Variants in LINGO2 observed in about 807,000 individuals in gnomAD.
The protein encoded by LINGO2 is leucine rich repeat and Ig domain containing 2.
Under a neutral mutation model 30.6 loss-of-function variants are expected in LINGO2, and 14 were observed. The ratio of observed to expected loss-of-function variants is 0.46; its 90% CI spans 0.30 to 0.72. The LOEUF (loss-of-function observed/expected upper bound fraction) is 0.72. LINGO2 is among the 30% of genes least tolerant of loss of function. The pLI, the probability that LINGO2 is intolerant of heterozygous loss-of-function variation, is 0.07. For missense variants in LINGO2, 729 were observed against 751.7 expected (o/e 0.97, Z 0.35); for synonymous variants, 317 against 288.5 (o/e 1.10, Z -1.00).
the LINGO2 span, among the ~76,000 whole-genome samples, chr9:29,133,958 C>A: frequency 1.3e-5 from 2 of 152,080 alleles, no homozygotes; most frequent in Non-Finnish European, 2.9e-5. Context: ...AAGACACAGA[C>A]ATCTAAAGGG....
At chr9:28,626,704 G>C (rs768374554) in intron 1 of LINGO2, among the ~76,000 whole-genome samples, 1 of 151,742 alleles carries the variant, frequency 6.6e-6, no homozygotes, top group Non-Finnish European at 1.5e-5. Context: ...TTCTCTCTCT[G>C]TTCTCCAATT....
chr9:28,138,307 A>G (rs559258627), intron 4 of LINGO2, among the ~76,000 whole-genome samples: 2 of 152,194 alleles, frequency 1.3e-5, no homozygotes, highest in Non-Finnish European at 2.9e-5. Context: ...CTTTACTTCA[A>G]CCTATCTCTA....
chr9:29,016,630 A>T, the LINGO2 span, among the ~76,000 whole-genome samples: 2 of 152,164 alleles, frequency 1.3e-5, no homozygotes, highest in Non-Finnish European at 1.5e-5. Context: ...CAAACATCCA[A>T]ATTCTTACAT....
At chr9:29,134,812 C>CAT in the LINGO2 span, among the ~76,000 whole-genome samples, 349 of 151,048 alleles carry the variant, frequency 2.3e-3, 1 homozygote, top group African/African-American at 7.9e-3. Flanking sequence ...TATATGAATT[C>CAT]ATATATATAT....
chr9:28,143,046 T>C (rs1219200130), intron 4 of LINGO2, among the ~76,000 whole-genome samples: 1 of 152,164 alleles, frequency 6.6e-6, no homozygotes, highest in African/African-American at 2.4e-5. Flanking sequence ...TCTGGAACTG[T>C]AAAGCTAAGG....
chr9:28,769,462 CTATATATATATATATATA>C, the LINGO2 span, among the ~76,000 whole-genome samples: 10 of 62,360 alleles, frequency 1.6e-4, no homozygotes, highest in Admixed American at 4.9e-4. Context: ...CAGTTACATG[CTATATATATATATATATA>C]TATATATATA....
chr9:28,661,671 A>G (rs1204943519), intron 1 of LINGO2, among the ~76,000 whole-genome samples: 2 of 152,276 alleles, frequency 1.3e-5, no homozygotes, highest in Admixed American at 1.3e-4. Flanking sequence ...AAATGTCCCC[A>G]TTTTGAAAAA....
intron 4 of LINGO2, among the ~76,000 whole-genome samples, chr9:28,180,882 A>G (rs1828892182): frequency 6.6e-6 from 1 of 152,154 alleles, no homozygotes; most frequent in African/African-American, 2.4e-5. Context: ...AAAAGAGGGA[A>G]AAACAATGGA....
chr9:28,199,452 C>T (rs1587204790), intron 4 of LINGO2, among the ~76,000 whole-genome samples: 1 of 151,896 alleles, frequency 6.6e-6, no homozygotes, highest in Admixed American at 6.6e-5. Flanking sequence ...CATTCTCCTG[C>T]CTCAGCCTCC....
chr9:27,943,556 C>T (rs1823248332), downstream of LINGO2: 1 of 151,302 alleles, frequency 6.6e-6, no homozygotes, highest in South Asian at 2.1e-4. Flanking sequence ...TTGCTGTCAG[C>T]TTGTGATTAT....
At chr9:28,089,299 G>T (rs1012716699) in intron 4 of LINGO2, among the ~76,000 whole-genome samples, 1 of 152,076 alleles carries the variant, frequency 6.6e-6, no homozygotes, top group Non-Finnish European at 1.5e-5. Flanking sequence ...TTCCAAAATT[G>T]ACCACACAGT....
intron 1 of LINGO2, among the ~76,000 whole-genome samples, chr9:28,528,223 T>C (rs888428132): frequency 2.6e-5 from 4 of 152,116 alleles, no homozygotes; most frequent in African/African-American, 4.8e-5. Flanking sequence ...ATTACTTCGG[T>C]TTTCTGTTAA....
At chr9:28,324,059 C>G (rs1388385259) in intron 3 of LINGO2, among the ~76,000 whole-genome samples, 2 of 152,036 alleles carry the variant, frequency 1.3e-5, no homozygotes, top group African/African-American at 4.8e-5. Context: ...GTGTGTTATA[C>G]TGAGGAAATT....
intron 1 of LINGO2, among the ~76,000 whole-genome samples, chr9:28,627,275 C>A (rs1312672754): frequency 6.6e-6 from 1 of 151,976 alleles, no homozygotes; most frequent in Admixed American, 6.6e-5. Flanking sequence ...TAATGTTGAG[C>A]AGACTCAGTG....
At chr9:28,706,792 G>C in the LINGO2 span, among the ~76,000 whole-genome samples, 1 of 152,168 alleles carries the variant, frequency 6.6e-6, no homozygotes, top group Admixed American at 6.6e-5. Context: ...TTGACTAGGA[G>C]CATTTTCACT....
At chr9:28,672,336 C>T (rs1423521130), upstream of LINGO2, among the ~76,000 whole-genome samples, 2 of 152,148 alleles carry the variant, frequency 1.3e-5, no homozygotes, top group Admixed American at 1.3e-4. Context: ...TTTTCTAAAT[C>T]TGTATAGTAT....
chr9:28,122,084 G>A (rs569234444), intron 4 of LINGO2, among the ~76,000 whole-genome samples: 13 of 152,232 alleles, frequency 8.5e-5, no homozygotes, highest in East Asian at 1.9e-4. Context: ...CAAAACTAGC[G>A]CATGATACTA....
chr9:28,876,813 G>A, the LINGO2 span, among the ~76,000 whole-genome samples: 1 of 152,046 alleles, frequency 6.6e-6, no homozygotes. Flanking sequence ...CTAGATCCCT[G>A]AGGAATCGCC....
chr9:28,418,275 C>CTTTT lies in LINGO2; in HGVS notation c.-278-45411_-278-45408dup, dbSNP rs3064826. ...TACTTATGTAATGTTAGGCCATGTA[C>CTTTT]TTTTTTTTTTTTTTTTTTTTTGAGA... is the stretch of plus-strand genomic sequence containing the variant. On this transcript the variant is annotated intron_variant, in intron 2 of 5. Coordinates refer to ENST00000379992, the Ensembl canonical transcript of LINGO2. 4.1e-3 allele frequency among the ~76,000 whole-genome samples: 437 copies of CTTTT among 106,662 alleles called. 10 individuals carry two copies. The highest frequency in any genetic ancestry group is 0.021 in the Middle Eastern group (3 of 140). The allele number at this position is 106,662 out of a possible 152,430, so 70.0% of individuals were successfully genotyped here. A position where few individuals can be genotyped will look rare whatever the true frequency, so the allele number is the denominator to read the frequency against.
Sources: gnomAD v4.1 joint callset for allele counts (sites outside exome capture counted in the v4.1 genomes callset) on GRCh38, gnomAD v4.1.1 for gene constraint, MANE v1.5 for transcripts, NCBI Gene and HGNC (gene_info 2026-07-23, HGNC 2026-07-21) for gene names.